The following CLNK variants were observed in gnomAD, a reference collection of about 807,000 sequenced individuals.
CLNK encodes the protein cytokine dependent hematopoietic cell linker.
In CLNK, 74 loss-of-function variants were observed where a neutral mutation model predicts 68.6. The observed-to-expected ratio is 1.08, with a 90% CI of 0.89 to 1.31. The LOEUF (loss-of-function observed/expected upper bound fraction) is 1.31, where lower values mean the gene tolerates loss of function less well. Among genes scored for constraint, CLNK ranks in the 50% most tolerant of loss-of-function variants. The probability of loss-of-function intolerance (pLI) is 0.00; values close to 1 mark genes in which losing one functional copy is unlikely to be tolerated. For synonymous variants in CLNK, 198 were observed against 172.2 expected, an observed-to-expected ratio of 1.15 and a Z score of -1.17; for missense variants, 553 against 515.3, an observed-to-expected ratio of 1.07 and a Z score of -0.71.
the CLNK span, among the ~76,000 whole-genome samples, chr4:10,713,534 TAGTG>T: frequency 2.0e-5 from 3 of 151,134 alleles, no homozygotes; most frequent in Non-Finnish European, 4.4e-5. Context: ...GACCTGGGGG[TAGTG>T]AGGGGGTTTC....
chr4:10,513,783 C>T (rs1717709981), intron 15 of CLNK, among the ~76,000 whole-genome samples, 186 bp from the exon 16 acceptor site: 2 of 150,902 alleles, frequency 1.3e-5, no homozygotes, highest in South Asian at 4.2e-4. Flanking sequence ...TAGCTTTGCC[C>T]TTCCTCCTCT....
the CLNK span, among the ~76,000 whole-genome samples, chr4:10,723,735 T>A: frequency 6.6e-6 from 1 of 152,174 alleles, no homozygotes; most frequent in African/African-American, 2.4e-5. Flanking sequence ...TAACTGTACA[T>A]AGTAGATAAC....
chr4:10,508,106 A>C, intron 16 of CLNK, 70 bp from the exon 17 acceptor site: 1 of 1,256,558 alleles, frequency 8.0e-7, no homozygotes, highest in Non-Finnish European at 1.1e-6. Context: ...TAATTAATTC[A>C]AAATTTACTT....
At chr4:10,716,877 A>G in the CLNK span, among the ~76,000 whole-genome samples, 1 of 151,956 alleles carries the variant, frequency 6.6e-6, no homozygotes, top group Admixed American at 6.6e-5. Flanking sequence ...TATTTTTAGT[A>G]GAGACAGGGT....
chr4:10,631,493 T>G (rs966471962), intron 2 of CLNK, among the ~76,000 whole-genome samples: 1 of 152,084 alleles, frequency 6.6e-6, no homozygotes, highest in African/African-American at 2.4e-5. Context: ...TTTGCAGATC[T>G]TTGCATTATG....
At chr4:10,554,932 A>G (rs1402498978) in intron 8 of CLNK, among the ~76,000 whole-genome samples, 2 of 152,216 alleles carry the variant, frequency 1.3e-5, no homozygotes, top group Non-Finnish European at 2.9e-5. Flanking sequence ...AAACACAGAA[A>G]ACCCTGGCAA....
chr4:10,624,453 C>A (rs932731580), intron 2 of CLNK, among the ~76,000 whole-genome samples: 1 of 152,134 alleles, frequency 6.6e-6, no homozygotes, highest in African/African-American at 2.4e-5. Context: ...CCACCACGCC[C>A]GGCTAATTTT....
At chr4:10,578,604 T>TTTTTTTTTTTTTTTTTTTA (rs1720663258) in intron 4 of CLNK, among the ~76,000 whole-genome samples, 1 of 95,284 alleles carries the variant, frequency 1.0e-5, no homozygotes, top group African/African-American at 3.8e-5. Context: ...TTTTTTTTTT[T>TTTTTTTTTTTTTTTTTTTA]GAGATGGAGT....
At chr4:10,495,955 C>T (rs920249055) in intron 18 of CLNK, among the ~76,000 whole-genome samples, 4 of 152,150 alleles carry the variant, frequency 2.6e-5, no homozygotes, top group Non-Finnish European at 4.4e-5. Flanking sequence ...GTGATTCTCC[C>T]CTGGAGCCTC....
intron 8 of CLNK, among the ~76,000 whole-genome samples, chr4:10,547,678 T>C (rs997807169): frequency 1.3e-5 from 2 of 152,104 alleles, no homozygotes; most frequent in African/African-American, 4.8e-5. Context: ...GCAGCCACCA[T>C]TCTACTCTTT....
intron 15 of CLNK, among the ~76,000 whole-genome samples, chr4:10,514,802 G>A (rs565460051): frequency 6.6e-6 from 1 of 151,850 alleles, no homozygotes; most frequent in African/African-American, 2.4e-5. Context: ...ACTACCATCA[G>A]AGTGAACAGG....
chr4:10,714,064 G>C, the CLNK span, among the ~76,000 whole-genome samples: 1 of 152,172 alleles, frequency 6.6e-6, no homozygotes. Flanking sequence ...TAGACAGGCA[G>C]ATATTGTTGG....
At chr4:10,560,784 T>C (rs1448175631) in intron 7 of CLNK, among the ~76,000 whole-genome samples, 1 of 152,206 alleles carries the variant, frequency 6.6e-6, no homozygotes, top group Non-Finnish European at 1.5e-5. Context: ...AACATAAATG[T>C]GCAGAACTAG....
chr4:10,553,202 T>C (rs1385700287), intron 8 of CLNK, among the ~76,000 whole-genome samples: 3 of 152,178 alleles, frequency 2.0e-5, no homozygotes, highest in African/African-American at 7.2e-5. Flanking sequence ...GAACCCAGAA[T>C]TGAAACTAAT....
chr4:10,627,354 C>T (rs1219566140), intron 2 of CLNK, among the ~76,000 whole-genome samples: 1 of 152,192 alleles, frequency 6.6e-6, no homozygotes, highest in African/African-American at 2.4e-5. Context: ...AGAATTGTCC[C>T]TCCCAAACTT....
At chr4:10,649,980 A>C (rs1723663695) in intron 2 of CLNK, among the ~76,000 whole-genome samples, 1 of 152,208 alleles carries the variant, frequency 6.6e-6, no homozygotes, top group Non-Finnish European at 1.5e-5. Context: ...AAACTAGTGG[A>C]CAAATGTTAC....
At chr4:10,614,952 A>G (rs533027445) in intron 2 of CLNK, among the ~76,000 whole-genome samples, 2 of 152,260 alleles carry the variant, frequency 1.3e-5, no homozygotes, top group Admixed American at 1.3e-4. Context: ...TGGGAGGTCT[A>G]AGAAGGGAAG....
chr4:10,632,792 AT>A (rs1400108102), intron 2 of CLNK, among the ~76,000 whole-genome samples: 1 of 152,150 alleles, frequency 6.6e-6, no homozygotes, highest in Non-Finnish European at 1.5e-5. Flanking sequence ...CATTTGCACA[AT>A]TTTCAATGCT....
chr4:10,579,426 T>G (rs569686656), intron 4 of CLNK, among the ~76,000 whole-genome samples: 44 of 152,148 alleles, frequency 2.9e-4, no homozygotes, highest in African/African-American at 1.1e-3. Context: ...TAGAAAAAAA[T>G]ATATACATAT....
Sources: gnomAD v4.1 joint callset for allele counts (sites outside exome capture counted in the v4.1 genomes callset) on GRCh38, gnomAD v4.1.1 for gene constraint, MANE v1.5 for transcripts, NCBI Gene and HGNC (gene_info 2026-07-23, HGNC 2026-07-21) for gene names.